NKAIN2: variants seen among roughly 807,000 people sequenced by gnomAD.
NKAIN2 encodes the protein sodium/potassium transporting ATPase interacting 2, also known as sodium/potassium-transporting ATPase subunit beta-1-interacting protein 2.
Under a neutral mutation model 32.6 loss-of-function variants are expected in NKAIN2, and 14 were observed. The ratio of observed to expected loss-of-function variants is 0.43; its 90% CI spans 0.28 to 0.67. The LOEUF (loss-of-function observed/expected upper bound fraction) is 0.67, where lower values mean the gene tolerates loss of function less well. Among genes scored for constraint, NKAIN2 ranks in the 30% least tolerant of loss-of-function variants. NKAIN2 has a pLI of 0.17. For missense variants in NKAIN2, 198 were observed against 258.3 expected (o/e 0.77, Z 1.60); for synonymous variants, 80 against 87.2 (o/e 0.92, Z 0.46).
rs114978966 is a variant in NKAIN2, at chr6:123,806,933, T to C, written c.54+2679T>C. On this transcript the variant is annotated intron_variant, in intron 1 of 6. Coordinates refer to ENST00000368417, the MANE Select transcript of NKAIN2 (RefSeq NM_001040214.3). ...TACATCTGTACCAATTTGCAGCTAATCTTAGGAGAGGATGAGGTGGCTTTT... is the reference window on the plus strand; with the variant it reads ...TACATCTGTACCAATTTGCAGCTAACCTTAGGAGAGGATGAGGTGGCTTTT... Among the ~76,000 whole-genome samples the C allele has an allele frequency of 3.5e-3, 530 of 152,142 alleles. 8 individuals carry two copies. Among genetic ancestry groups the C allele is most frequent in the African/African-American group, 0.012 (489 of 41,566 alleles).
chr6:124,686,270 G>A lies in NKAIN2; in HGVS notation c.474+27884G>A, dbSNP rs11154254. 8.5e-3 allele frequency among the ~76,000 whole-genome samples: 1,294 copies of A among 152,218 alleles called. 20 individuals carry two copies. Among genetic ancestry groups the A allele is most frequent in the African/African-American group, 0.03 (1,243 of 41,534 alleles). On this transcript the variant is annotated intron_variant, in intron 4 of 6. Transcript: ENST00000368417. ...ACAACCTGTATTAGTCTGTTCTCTC[G>A]CTGCTATAAGGAAATACCTGAGGCT...
At chr6:124,821,923 G>C (rs1205057691) in intron 6 of NKAIN2, among the ~76,000 whole-genome samples, 1 of 152,192 alleles carries the variant, frequency 6.6e-6, no homozygotes, top group Non-Finnish European at 1.5e-5. Flanking sequence ...TACTGGTGCA[G>C]CCATGATTAT....
At chr6:124,337,294 C>T (rs1016823743) in intron 2 of NKAIN2, among the ~76,000 whole-genome samples, 11 of 152,036 alleles carry the variant, frequency 7.2e-5, no homozygotes, top group African/African-American at 1.7e-4. Context: ...CTTAGGAGTG[C>T]GAGACCAGCC....
At chr6:123,863,252 T>C (rs767173753) in intron 1 of NKAIN2, among the ~76,000 whole-genome samples, 95 of 152,334 alleles carry the variant, frequency 6.2e-4, no homozygotes, top group Admixed American at 1.2e-3. Context: ...TGGATTGTAA[T>C]AATTTGGTAA....
intron 2 of NKAIN2, among the ~76,000 whole-genome samples, chr6:124,351,441 G>T (rs1347774790): frequency 6.6e-6 from 1 of 150,406 alleles, no homozygotes; most frequent in African/African-American, 2.5e-5. Context: ...TGCAGTTGAG[G>T]CTGCAGTGAT....
intron 4 of NKAIN2, among the ~76,000 whole-genome samples, chr6:124,763,282 C>T (rs1213146910): frequency 6.6e-6 from 1 of 152,158 alleles, no homozygotes; most frequent in Non-Finnish European, 1.5e-5. Flanking sequence ...ATATGTGAGA[C>T]TGGGTTATTT....
chr6:124,536,525 C>G (rs972586338), intron 3 of NKAIN2, among the ~76,000 whole-genome samples: 1 of 152,000 alleles, frequency 6.6e-6, no homozygotes, highest in African/African-American at 2.4e-5. Context: ...AATCCCCTTC[C>G]CTTGCCTGAA....
intron 3 of NKAIN2, among the ~76,000 whole-genome samples, chr6:124,443,269 C>A (rs748312204): frequency 6.6e-6 from 1 of 151,962 alleles, no homozygotes; most frequent in Non-Finnish European, 1.5e-5. Context: ...TTTCAATTAG[C>A]GGGATGTTAT....
intron 5 of NKAIN2, among the ~76,000 whole-genome samples, chr6:124,816,536 AT>A (rs1781174338): frequency 6.6e-6 from 1 of 152,168 alleles, no homozygotes; most frequent in African/African-American, 2.4e-5. Context: ...GGCAGGAAAT[AT>A]ACAGGAATTA....
At chr6:124,299,413 A>T (rs954920044) in intron 2 of NKAIN2, among the ~76,000 whole-genome samples, 1 of 152,204 alleles carries the variant, frequency 6.6e-6, no homozygotes, top group Admixed American at 6.5e-5. Context: ...TTCCACTGAG[A>T]TATATTTTTC....
intron 3 of NKAIN2, among the ~76,000 whole-genome samples, chr6:124,402,612 C>CCA (rs1773672318): frequency 6.6e-6 from 1 of 152,100 alleles, no homozygotes; most frequent in Non-Finnish European, 1.5e-5. Flanking sequence ...GGCTGTGCAG[C>CCA]CACACACACA....
intron 1 of NKAIN2, among the ~76,000 whole-genome samples, chr6:123,919,108 G>A (rs923899880): frequency 6.6e-6 from 1 of 152,016 alleles, no homozygotes; most frequent in African/African-American, 2.4e-5. Flanking sequence ...ATGTGCAAAT[G>A]AATTGGCTTT....
chr6:123,937,104 C>T (rs1349533057), intron 1 of NKAIN2, among the ~76,000 whole-genome samples: 3 of 152,050 alleles, frequency 2.0e-5, no homozygotes, highest in Non-Finnish European at 4.4e-5. Flanking sequence ...AAATGATTTG[C>T]TGTTCTGCTA....
At chr6:124,606,082 G>T (rs569198043) in intron 3 of NKAIN2, among the ~76,000 whole-genome samples, 420 of 152,142 alleles carry the variant, frequency 2.8e-3, no homozygotes, top group Non-Finnish European at 4.7e-3. Context: ...TGAGGTTGGT[G>T]CCATTTTTTG....
At chr6:124,183,611 AAC>A (rs1323617686) in intron 1 of NKAIN2, among the ~76,000 whole-genome samples, 2 of 152,088 alleles carry the variant, frequency 1.3e-5, no homozygotes, top group African/African-American at 2.4e-5. Flanking sequence ...AAGAGAAAAA[AAC>A]ACTCTTTTTT....
intron 5 of NKAIN2, among the ~76,000 whole-genome samples, chr6:124,815,252 A>ATATATATGTGTATATATATGTATATATG (rs1562400520): frequency 7.9e-6 from 1 of 126,656 alleles, no homozygotes; most frequent in African/African-American, 3.3e-5. Flanking sequence ...GTATATATGT[A>ATATATATGTGTATATATATGTATATATG]TATATATATG....
In NKAIN2 at chr6:124,215,675, G is replaced by C. The variant is rs146448739; in HGVS notation, c.55-67330G>C. ...ATACCTAACTGTCATAAGAGTAAGA[G>C]TGTGATAAAGGTGCCCTCACATATG... is the stretch of plus-strand genomic sequence containing the variant. On this transcript the variant is annotated intron_variant, in intron 1 of 6. Transcript: ENST00000368417. Among the ~76,000 whole-genome samples the C allele has an allele frequency of 3.0e-3, 457 of 152,288 alleles. 2 individuals carry two copies. Among genetic ancestry groups the C allele is most frequent in the African/African-American group, 9.6e-3 (401 of 41,562 alleles).
chr6:124,685,270 T>C (rs1773814180), intron 4 of NKAIN2, among the ~76,000 whole-genome samples: 1 of 152,154 alleles, frequency 6.6e-6, no homozygotes, highest in South Asian at 2.1e-4. Flanking sequence ...CCTATTTTAG[T>C]TTCTGTGAAA....
intron 3 of NKAIN2, among the ~76,000 whole-genome samples, chr6:124,427,683 C>A (rs542732530): frequency 1.3e-5 from 2 of 152,140 alleles, no homozygotes; most frequent in East Asian, 1.9e-4. Context: ...TCTGTAAACC[C>A]CTTAGAGGTG....
Sources: gnomAD v4.1 joint callset for allele counts (sites outside exome capture counted in the v4.1 genomes callset) on GRCh38, gnomAD v4.1.1 for gene constraint, MANE v1.5 for transcripts, NCBI Gene and HGNC (gene_info 2026-07-23, HGNC 2026-07-21) for gene names.